Variants in PLA2G4D observed in about 807,000 individuals in gnomAD.
The protein encoded by PLA2G4D is cytosolic phospholipase A2 delta.
A neutral mutation model predicts 94.4 loss-of-function variants in PLA2G4D; 80 were observed. That is an observed-to-expected ratio of 0.85 (90% CI 0.71 to 1.02). The LOEUF (loss-of-function observed/expected upper bound fraction) is 1.02. PLA2G4D is among the 50% of genes least tolerant of loss of function. The probability of loss-of-function intolerance (pLI) is 0.00; values close to 1 mark genes in which losing one functional copy is unlikely to be tolerated. For synonymous variants in PLA2G4D, 438 were observed against 440.9 expected (o/e 0.99, Z 0.08); for missense variants, 1,050 against 1,034.7 (o/e 1.01, Z -0.20).
chr15:42,086,274 T>C lies in PLA2G4D; in HGVS notation c.326A>G (p.Tyr109Cys), dbSNP rs771888079. ...TEDDICFKVL[Y>C]DISEVLPGKL... ...GCCAGGGAGGACTTCTGAGATGTCA[T>C]AGAGAACCTTGAAGCAGATGTCATC... is the stretch of plus-strand genomic sequence containing the variant. The change falls in exon 4 of 20, where the codon TAT (tyrosine) becomes TGT (cysteine). Residue 109 changes from tyrosine to cysteine, a missense_variant. Coordinates refer to ENST00000290472, the MANE Select transcript of PLA2G4D (RefSeq NM_178034.4). The C allele has an allele frequency of 7.1e-6, 11 of 1,547,122 alleles. No homozygotes were observed. The Admixed American group carries it at 8.9e-5, about 13-fold the overall frequency.
Position 42,086,194 on chromosome 15 carries a change from T to TCTCCCC in PLA2G4D, c.387+18_387+19insGGGGAG. 7.3e-7 allele frequency: 1 copy of TCTCCCC among 1,370,442 alleles called. No individual in the cohort carries two copies. Among genetic ancestry groups the TCTCCCC allele is most frequent in the Non-Finnish European group, 9.6e-7 (1 of 1,043,084 alleles). The allele number at this position is 1,370,442 out of a possible 1,614,324, so 84.9% of individuals were successfully genotyped here. A position where few individuals can be genotyped will look rare whatever the true frequency, so the allele number is the denominator to read the frequency against. Reference sequence around the variant, plus strand: ...GGAAGAAGTGGGGCCCACGGGGACTTCCCCACCCACCCACCCACCTGGGGA... The same window carrying TCTCCCC: ...GGAAGAAGTGGGGCCCACGGGGACTTCTCCCCCCCCACCCACCCACCCACCTGGGGA... On this transcript the variant is annotated intron_variant, in intron 4 of 19. Coordinates refer to ENST00000290472, the MANE Select transcript of PLA2G4D (RefSeq NM_178034.4).
intron 1 of PLA2G4D, among the ~76,000 whole-genome samples, chr15:42,090,027 T>C (rs548082490): frequency 6.6e-6 from 1 of 152,212 alleles, no homozygotes; most frequent in Admixed American, 6.5e-5. Flanking sequence ...GCCCAGAACA[T>C]GGTATTATTG....
At chr15:42,086,174 A>G in intron 4 of PLA2G4D, 39 bp downstream of exon 4, 1 of 1,533,772 alleles carries the variant, frequency 6.5e-7, no homozygotes, top group South Asian at 1.2e-5. Flanking sequence ...GAGTTGGAAG[A>G]AGTGGGGCCC....
In PLA2G4D at chr15:42,070,899, G is replaced by T. The variant is rs1289433415; in HGVS notation, c.1877-16C>A. On this transcript the variant is annotated splice_polypyrimidine_tract_variant and intron_variant, in intron 17 of 19. Transcript: ENST00000290472. Reference sequence around the variant, plus strand: ...AGCTGGTAGTCTGGTGGGAATCGCAGGATGGTCAGAGGCCACCACCCTGCC... The same window carrying T: ...AGCTGGTAGTCTGGTGGGAATCGCATGATGGTCAGAGGCCACCACCCTGCC... 5 of 1,607,368 alleles carry T rather than the reference G, an allele frequency of 3.1e-6. 1 individual carries two copies. Among genetic ancestry groups the T allele is most frequent in the South Asian group, 2.2e-5 (2 of 89,786 alleles).
intron 1 of PLA2G4D, among the ~76,000 whole-genome samples, chr15:42,089,819 C>A (rs1043970615): frequency 2.0e-5 from 3 of 152,218 alleles, no homozygotes; most frequent in Non-Finnish European, 4.4e-5. Flanking sequence ...TCTAAAGTCA[C>A]TTGGGCTACT....
chr15:42,070,329 GC>G (rs1889779750), intron 18 of PLA2G4D: 1 of 528,854 alleles, frequency 1.9e-6, no homozygotes, highest in South Asian at 2.9e-5. Context: ...CCATCCCCCA[GC>G]CCCCCAAAAC....
At chr15:42,071,650 A>G (rs1889821537) in intron 15 of PLA2G4D, 99 bp from the exon 16 acceptor site, 3 of 1,440,072 alleles carry the variant, frequency 2.1e-6, no homozygotes, top group South Asian at 1.2e-5. Context: ...TACCCCTACA[A>G]TGCATCCCCC....
In PLA2G4D at chr15:42,087,610, C is replaced by T. The variant is rs779322092; in HGVS notation, c.118+18G>A. 3.7e-6 allele frequency: 6 copies of T among 1,613,876 alleles called. No homozygotes were observed. The highest frequency in any genetic ancestry group is 5.1e-6 in the Non-Finnish European group (6 of 1,179,940). On this transcript the variant is annotated intron_variant, in intron 2 of 19. Transcript: ENST00000290472. ...GGTCCTCCCTGCTCCCGACAGAGCG[C>T]ACAGGGCGGTTACTCACACAGGTCA... is the stretch of plus-strand genomic sequence containing the variant.
Position 42,086,194 on chromosome 15 carries a change from T to TTG in PLA2G4D, c.387+18_387+19insCA. On this transcript the variant is annotated intron_variant, in intron 4 of 19. Coordinates refer to ENST00000290472, the MANE Select transcript of PLA2G4D (RefSeq NM_178034.4). ...GGAAGAAGTGGGGCCCACGGGGACT[T>TTG]CCCCACCCACCCACCCACCTGGGGA... is the stretch of plus-strand genomic sequence containing the variant. 2 of 1,370,436 alleles carry TTG rather than the reference T, an allele frequency of 1.5e-6. No individual in the cohort carries two copies. Among genetic ancestry groups the TTG allele is most frequent in the South Asian group, 1.5e-5 (1 of 66,864 alleles). 84.9% of individuals were successfully genotyped at this position (1,370,436 alleles called of 1,614,324 possible). A position where few individuals can be genotyped will look rare whatever the true frequency, so the allele number is the denominator to read the frequency against.
intron 13 of PLA2G4D, among the ~76,000 whole-genome samples, chr15:42,072,989 C>G (rs1345864779): frequency 6.6e-6 from 1 of 152,138 alleles, no homozygotes; most frequent in East Asian, 1.9e-4. Context: ...CTCAATAGAG[C>G]TCCAAGCTCT....
chr15:42,071,064 T>TG, intron 17 of PLA2G4D, 59 bp downstream of exon 17: 1 of 1,584,898 alleles, frequency 6.3e-7, no homozygotes, highest in Non-Finnish European at 8.5e-7. Flanking sequence ...AGCCAGTCCC[T>TG]GCCACACCAC....
intron 4 of PLA2G4D, 133 bp from the exon 5 acceptor site, chr15:42,085,664 T>A: frequency 1.2e-6 from 1 of 864,784 alleles, no homozygotes; most frequent in South Asian, 1.5e-5. Context: ...TTATTTCCAA[T>A]TTATGGATGA....
rs1004077772 is a variant in PLA2G4D at position 42,084,660 on chromosome 15, C to T, written c.471+436G>A. ...CCCAAGGAGGAGCTAGCTGCCTGAG[C>T]CTCTGATCCTCCTAGGTTGGCAGTA... On this transcript the variant is annotated intron_variant, in intron 6 of 19. Transcript: ENST00000290472. This position sits in a 1 kb window ranked among gnomAD's most constrained non-coding sequence, Gnocchi z 4.8. Among the ~76,000 whole-genome samples, 1 of 152,156 alleles carries T rather than the reference C, an allele frequency of 6.6e-6. No individual in the cohort carries two copies. The highest frequency in any genetic ancestry group is 2.4e-5 in the African/African-American group (1 of 41,428).
intron 18 of PLA2G4D, 105 bp downstream of exon 18, chr15:42,070,612 C>A: frequency 7.4e-7 from 1 of 1,348,502 alleles, no homozygotes; most frequent in East Asian, 2.5e-5. Flanking sequence ...CTCTCCTTCC[C>A]TTCGGGACCC....
rs1889710661 is a variant in PLA2G4D, at chr15:42,067,563, GAA to G, written c.*1150_*1151del. ...TGTCTCAAAAAAAAAAAAAAAGAAAGAAAAAGAAAAAGAAATGTGCCAGCAAT... is the reference window on the plus strand; with the variant it reads ...TGTCTCAAAAAAAAAAAAAAAGAAAGAAAGAAAAAGAAATGTGCCAGCAAT... On this transcript the variant is annotated 3_prime_UTR_variant, in exon 20 of 20. Coordinates refer to ENST00000290472, the MANE Select transcript of PLA2G4D (RefSeq NM_178034.4). 2 of 144,624 alleles carry G rather than the reference GAA, an allele frequency of 1.4e-5. No homozygotes were observed. Among genetic ancestry groups the G allele is most frequent in the Non-Finnish European group, 3.0e-5 (2 of 65,692 alleles). 9.0% of individuals were successfully genotyped at this position (144,624 alleles called of 1,614,324 possible). A position where few individuals can be genotyped will look rare whatever the true frequency, so the allele number is the denominator to read the frequency against.
chr15:42,081,207 C>A, intron 11 of PLA2G4D, 74 bp from the exon 12 acceptor site: 1 of 1,560,368 alleles, frequency 6.4e-7, no homozygotes, highest in East Asian at 2.2e-5. Flanking sequence ...AGGGCCCTGC[C>A]CCGCTCCTTG....
chr15:42,086,268 A>C lies in PLA2G4D; in HGVS notation c.332T>G (p.Ile111Ser), dbSNP rs186072813. 3.6e-5 allele frequency: 53 copies of C among 1,466,762 alleles called. No individual in the cohort carries two copies. The African/African-American group carries it at 6.7e-4, about 19-fold the overall frequency. 90.9% of individuals were successfully genotyped at this position (1,466,762 alleles called of 1,614,324 possible). A position where few individuals can be genotyped will look rare whatever the true frequency, so the allele number is the denominator to read the frequency against. Reference sequence around the variant, plus strand: ...CAGCTTGCCAGGGAGGACTTCTGAGATGTCATAGAGAACCTTGAAGCAGAT... The same window carrying C: ...CAGCTTGCCAGGGAGGACTTCTGAGCTGTCATAGAGAACCTTGAAGCAGAT... ...DDICFKVLYDISEVLPGKLLR... is the reference protein window; with the variant it reads ...DDICFKVLYDSSEVLPGKLLR... The change falls in exon 4 of 20, where the codon ATC (isoleucine) becomes AGC (serine). Residue 111 changes from isoleucine to serine, a missense_variant. By Grantham distance (142) the Ile-to-Ser change is moderately radical. Coordinates refer to ENST00000290472, the MANE Select transcript of PLA2G4D (RefSeq NM_178034.4).
intron 1 of PLA2G4D, 69 bp downstream of exon 1, chr15:42,094,346 C>G (rs1890299491): frequency 1.3e-6 from 2 of 1,574,826 alleles, no homozygotes; most frequent in African/African-American, 2.7e-5. Flanking sequence ...AGCTATCACA[C>G]TTCCCAGAAT....
rs1889738067 is a variant in PLA2G4D at position 42,068,791 on chromosome 15, C to T, written c.2381G>A (p.Gly794Asp). ...LSDYNVQTSQ[G>D]AILQALRTAL... ...GGTCCTCAGGGCCTGCAGGATGGCA[C>T]CCTGGCTGGTCTGCACGTTGTAGTC... is the stretch of plus-strand genomic sequence containing the variant. The change falls in exon 20 of 20, where the codon GGT (glycine) becomes GAT (aspartate). Residue 794 changes from glycine to aspartate, a missense_variant. Physicochemically the swap from Gly to Asp is moderately conservative, Grantham distance 94 (BLOSUM62 -1). Transcript: ENST00000290472. The T allele has an allele frequency of 6.2e-7, 1 of 1,613,368 alleles. No individual in the cohort carries two copies. Among genetic ancestry groups the T allele is most frequent in the African/African-American group, 1.3e-5 (1 of 74,952 alleles).
Sources: gnomAD v4.1 joint callset for allele counts (sites outside exome capture counted in the v4.1 genomes callset) on GRCh38, gnomAD v4.1.1 for gene constraint, Gnocchi (gnomAD v3.1) non-coding constraint, MANE v1.5 for transcripts, NCBI Gene and HGNC (gene_info 2026-07-23, HGNC 2026-07-21) for gene names.